Variants in ATP8B4 observed in about 807,000 individuals in gnomAD.
ATP8B4 encodes ATPase phospholipid transporting 8B4 (putative).
ATP8B4 carries 133 observed loss-of-function variants against 145.6 expected under a neutral mutation model. That is an observed-to-expected ratio of 0.91 (90% confidence interval 0.79 to 1.05). The LOEUF (loss-of-function observed/expected upper bound fraction) is 1.05. ATP8B4 is among the 50% of genes least tolerant of loss of function. ATP8B4 has a pLI of 0.00. For synonymous variants in ATP8B4, 507 were observed against 492.9 expected (o/e 1.03, Z -0.38); for missense variants, 1,458 against 1,425.2 (o/e 1.02, Z -0.37).
intron 12 of ATP8B4, among the ~76,000 whole-genome samples, chr15:49,977,548 C>A (rs1368603479): frequency 1.3e-5 from 2 of 152,066 alleles, no homozygotes; most frequent in Non-Finnish European, 1.5e-5. Flanking sequence ...TCCTCTCATC[C>A]CATTTTGAAA....
chr15:50,157,634 T>C (rs1186397175), intron 1 of ATP8B4, among the ~76,000 whole-genome samples: 3 of 152,098 alleles, frequency 2.0e-5, no homozygotes, highest in Non-Finnish European at 4.4e-5. Context: ...GATTTTTTTT[T>C]CTATACCTGT....
intron 2 of ATP8B4, among the ~76,000 whole-genome samples, chr15:50,087,011 C>T (rs2055189811): frequency 9.7e-6 from 1 of 102,850 alleles, no homozygotes. Context: ...ATATAGAGAT[C>T]TATATTATTA....
intron 2 of ATP8B4, among the ~76,000 whole-genome samples, chr15:50,078,366 ACATGG>A (rs1403491669): frequency 6.6e-6 from 1 of 152,018 alleles, no homozygotes; most frequent in Non-Finnish European, 1.5e-5. Context: ...ATTTAAGAAG[ACATGG>A]CATCCATGAA....
chr15:49,875,630 C>G (rs1356850955), intron 25 of ATP8B4, among the ~76,000 whole-genome samples: 1 of 152,182 alleles, frequency 6.6e-6, no homozygotes, highest in Non-Finnish European at 1.5e-5. Flanking sequence ...CCCAGGAGCT[C>G]TAGACAAGCT....
intron 13 of ATP8B4, among the ~76,000 whole-genome samples, chr15:49,969,021 A>G (rs2044823776): frequency 1.3e-5 from 2 of 152,218 alleles, no homozygotes; most frequent in Non-Finnish European, 2.9e-5. Context: ...CTCCTGAATG[A>G]CTACTAGGTA....
intron 19 of ATP8B4, chr15:49,917,261 C>T: frequency 2.1e-6 from 1 of 485,224 alleles, no homozygotes; most frequent in East Asian, 3.2e-5. Context: ...GCACAAGTAG[C>T]AACACTAACG....
At chr15:50,120,328 A>G (rs3825802), upstream of ATP8B4, among the ~76,000 whole-genome samples, 8,857 of 152,288 alleles carry the variant, frequency 0.058, 313 homozygotes, top group South Asian at 0.097. Flanking sequence ...CTTACATGAT[A>G]AAAGAGGACC....
At chr15:50,091,879 A>G (rs1380696271) in intron 2 of ATP8B4, among the ~76,000 whole-genome samples, 2 of 152,136 alleles carry the variant, frequency 1.3e-5, no homozygotes, top group Non-Finnish European at 2.9e-5. Flanking sequence ...GGACCAACCC[A>G]CCTGCTAAGA....
intron 10 of ATP8B4, among the ~76,000 whole-genome samples, chr15:49,985,493 G>A (rs779868519): frequency 6.6e-6 from 1 of 152,182 alleles, no homozygotes; most frequent in Non-Finnish European, 1.5e-5. Context: ...GTTCATCTCC[G>A]ACACGGACGA....
At chr15:50,156,089 T>TAC (rs1274407981) in intron 1 of ATP8B4, among the ~76,000 whole-genome samples, 51 of 20,538 alleles carry the variant, frequency 2.5e-3, no homozygotes, top group African/African-American at 5.3e-3. Flanking sequence ...TATATATATA[T>TAC]ATAAATATAT....
chr15:49,923,430 T>A lies in ATP8B4; in HGVS notation c.1707A>T (p.Lys569Asn). ...AAAGGACTTCATTGGAAGGATGAAG[T>A]TTTTCAAACAGAATAGTATCTGCTC... The part of the protein sequence containing the change: ...SKGADTILFE[K>N]LHPSNEVLLS... The change falls in exon 17 of 28, where the codon AAA becomes AAT. Residue 569 changes from lysine to asparagine, a missense_variant. Lys to Asn is a moderately conservative substitution (Grantham distance 94, BLOSUM62 0). Transcript: ENST00000284509. 6.2e-7 allele frequency: 1 copy of A among 1,613,690 alleles called. No homozygotes were observed. Among genetic ancestry groups the A allele is most frequent in the Non-Finnish European group, 8.5e-7 (1 of 1,179,780 alleles).
At chr15:49,966,061 G>A (rs1235693633) in intron 13 of ATP8B4, among the ~76,000 whole-genome samples, 1 of 152,192 alleles carries the variant, frequency 6.6e-6, no homozygotes, top group Non-Finnish European at 1.5e-5. Flanking sequence ...TTGAGGGACT[G>A]TGCCATGAAG....
chr15:49,987,666 AT>A, intron 9 of ATP8B4, 117 bp from the exon 10 acceptor site: 2 of 1,064,448 alleles, frequency 1.9e-6, no homozygotes, highest in Non-Finnish European at 2.6e-6. Context: ...GGGGTTACAT[AT>A]AAAGAATTGT....
chr15:50,056,843 A>G (rs1483128200), intron 3 of ATP8B4, among the ~76,000 whole-genome samples: 1 of 151,834 alleles, frequency 6.6e-6, no homozygotes, highest in African/African-American at 2.4e-5. Flanking sequence ...AGTAAAGACA[A>G]TCTATGCATT....
intron 1 of ATP8B4, among the ~76,000 whole-genome samples, chr15:50,142,851 G>A (rs1595641991): frequency 6.6e-6 from 1 of 152,232 alleles, no homozygotes; most frequent in South Asian, 2.1e-4. Flanking sequence ...ACTCAATTAC[G>A]CACACATCTG....
intron 1 of ATP8B4, among the ~76,000 whole-genome samples, chr15:50,130,121 T>C (rs965972673): frequency 9.2e-5 from 14 of 152,194 alleles, no homozygotes; most frequent in African/African-American, 3.1e-4. Flanking sequence ...CCTGCATAGA[T>C]GCCCTTTCCC....
In ATP8B4 at chr15:49,898,109, A is replaced by G; in HGVS notation, c.2432T>C (p.Leu811Ser). 6.2e-7 allele frequency: 1 copy of G among 1,613,914 alleles called. No individual in the cohort carries two copies. Among genetic ancestry groups the G allele is most frequent in the Non-Finnish European group, 8.5e-7 (1 of 1,179,842 alleles). ...ATCATTGGCTCCATCACCAATGGCC[A>G]AAGTAACAGCATTTCTGTACTTCTT... ...LVKKYRNAVTLAIGDGANDVS... is the reference protein window; with the variant it reads ...LVKKYRNAVTSAIGDGANDVS... The change falls in exon 22 of 28, where the codon TTG becomes TCG. Residue 811 changes from leucine to serine, a missense_variant. Physicochemically the swap from Leu to Ser is moderately radical, Grantham distance 145. Transcript: ENST00000284509.
intron 23 of ATP8B4, among the ~76,000 whole-genome samples, chr15:49,888,552 C>G (rs1017405716): frequency 7.2e-5 from 11 of 152,148 alleles, no homozygotes; most frequent in Non-Finnish European, 1.3e-4. Context: ...CTAAATAGGA[C>G]TTCAACCAAT....
At chr15:49,955,259 C>G (rs180733731) in intron 14 of ATP8B4, among the ~76,000 whole-genome samples, 36 of 152,228 alleles carry the variant, frequency 2.4e-4, no homozygotes, top group Admixed American at 5.9e-4. Context: ...CAACTGTATC[C>G]CAAACCTCAG....
Sources: allele counts gnomAD v4.1 joint callset (sites outside exome capture counted in the v4.1 genomes callset), GRCh38; gene constraint gnomAD v4.1.1; transcripts MANE v1.5; gene names NCBI Gene and HGNC (gene_info 2026-07-23, HGNC 2026-07-21).